SFMBT1: variants seen among roughly 807,000 people sequenced by gnomAD.
The protein encoded by SFMBT1 is scm-like with four MBT domains protein 1.
A neutral mutation model predicts 108.7 loss-of-function variants in SFMBT1; 32 were observed. The observed-to-expected ratio is 0.29, with a 90% CI of 0.22 to 0.40. The LOEUF is 0.40. Among genes scored for constraint, SFMBT1 ranks in the 10% least tolerant of loss-of-function variants. The pLI, the probability that SFMBT1 is intolerant of heterozygous loss-of-function variation, is 1.00. For synonymous variants in SFMBT1, 348 were observed against 369.5 expected (o/e 0.94, Z 0.67); for missense variants, 816 against 1,059.6 (o/e 0.77, Z 3.19).
intron 1 of SFMBT1, among the ~76,000 whole-genome samples, chr3:52,982,180 T>C (rs530110637): frequency 2.0e-5 from 3 of 152,234 alleles, no homozygotes; most frequent in Admixed American, 2.0e-4. Context: ...CACATTCCTT[T>C]ATGGAAAGGA....
chr3:53,010,408 C>T (rs890721740), intron 1 of SFMBT1, among the ~76,000 whole-genome samples: 1 of 152,186 alleles, frequency 6.6e-6, no homozygotes, highest in Admixed American at 6.5e-5. Flanking sequence ...GGCTGCCAGG[C>T]CAGGGGAAAG....
intron 2 of SFMBT1, among the ~76,000 whole-genome samples, chr3:52,961,046 G>C (rs1703944170): frequency 6.6e-6 from 1 of 152,166 alleles, no homozygotes; most frequent in South Asian, 2.1e-4. Context: ...GGCTGAGGTG[G>C]GAGGATCACT....
At chr3:52,941,348 C>T (rs1703174646) in intron 4 of SFMBT1, among the ~76,000 whole-genome samples, 1 of 152,110 alleles carries the variant, frequency 6.6e-6, no homozygotes, top group Non-Finnish European at 1.5e-5. Flanking sequence ...AATCCCAGCA[C>T]TTTGGGAGGC....
chr3:52,926,216 G>T, intron 9 of SFMBT1, 103 bp from the exon 10 acceptor site: 1 of 942,348 alleles, frequency 1.1e-6, no homozygotes, highest in Non-Finnish European at 1.6e-6. Context: ...AGTGATGCTA[G>T]TCTGACAACT....
At chr3:52,916,753 T>C (rs536642105) in intron 13 of SFMBT1, among the ~76,000 whole-genome samples, 13 of 152,048 alleles carry the variant, frequency 8.5e-5, no homozygotes, top group African/African-American at 2.7e-4. Context: ...AAACTATATA[T>C]AGGGCATAAT....
At chr3:53,019,017 T>C (rs1195805574) in intron 1 of SFMBT1, 3 of 152,188 alleles carry the variant, frequency 2.0e-5, no homozygotes, top group African/African-American at 7.2e-5. Context: ...ATAAATATTA[T>C]CGATACTCAT....
At chr3:52,998,486 G>GTGC (rs1342334861) in intron 1 of SFMBT1, among the ~76,000 whole-genome samples, 7 of 150,448 alleles carry the variant, frequency 4.7e-5, no homozygotes, top group Non-Finnish European at 7.5e-5. Context: ...TCAAGCTGAG[G>GTGC]ACCACCCACC....
rs552219837 is a variant in SFMBT1, at chr3:52,935,731, A to C, written c.365-830T>G. Among the ~76,000 whole-genome samples the C allele has an allele frequency of 7.9e-5, 12 of 152,264 alleles. No individual in the cohort carries two copies. The South Asian group carries it at 2.5e-3, about 32-fold the overall frequency. ...GTTCAAACTTCCCCAATTGTCTCAT[A>C]AACAGTTTTGTCAATTTGTTTGATT... is the stretch of plus-strand genomic sequence containing the variant. On this transcript the variant is annotated intron_variant, in intron 4 of 20. Coordinates refer to ENST00000394752, the MANE Select transcript of SFMBT1 (RefSeq NM_016329.4).
At chr3:52,975,515 C>T (rs1179867412) in intron 1 of SFMBT1, among the ~76,000 whole-genome samples, 7 of 152,078 alleles carry the variant, frequency 4.6e-5, no homozygotes, top group East Asian at 1.9e-4. Flanking sequence ...ATAGTAAGAC[C>T]TCATCTCTAC....
chr3:53,041,682 G>A (rs1700057440), intron 1 of SFMBT1, among the ~76,000 whole-genome samples: 1 of 58,860 alleles, frequency 1.7e-5, no homozygotes, highest in Non-Finnish European at 3.2e-5. Context: ...TGGGCAACAA[G>A]AGTAAAAGTC....
intron 1 of SFMBT1, among the ~76,000 whole-genome samples, chr3:52,969,834 G>C (rs887832352): frequency 2.0e-5 from 3 of 152,002 alleles, no homozygotes; most frequent in Non-Finnish European, 4.4e-5. Flanking sequence ...GGAAGCGGTG[G>C]CTCATGACTG....
intron 2 of SFMBT1, among the ~76,000 whole-genome samples, chr3:52,959,974 C>T (rs956073561): frequency 2.0e-5 from 3 of 151,730 alleles, no homozygotes; most frequent in African/African-American, 7.3e-5. Flanking sequence ...TCCACATGAC[C>T]ACAAGGAGGT....
chr3:52,998,277 A>G (rs1369265918), intron 1 of SFMBT1, among the ~76,000 whole-genome samples: 3 of 150,138 alleles, frequency 2.0e-5, no homozygotes, highest in African/African-American at 7.3e-5. Context: ...CTGTAGTCCC[A>G]GCTACTCCGG....
chr3:52,923,945 A>G (rs1702586284), intron 10 of SFMBT1, among the ~76,000 whole-genome samples: 1 of 152,206 alleles, frequency 6.6e-6, no homozygotes, highest in Non-Finnish European at 1.5e-5. Context: ...CACTGTGAAA[A>G]GTGGTTCTAT....
intron 1 of SFMBT1, among the ~76,000 whole-genome samples, chr3:52,971,135 C>T (rs2106862508): frequency 1.3e-5 from 2 of 151,416 alleles, no homozygotes; most frequent in Admixed American, 1.3e-4. Flanking sequence ...GAGTGAAATC[C>T]TGTCTCAAAA....
At chr3:52,935,860 T>C (rs963686155) in intron 4 of SFMBT1, among the ~76,000 whole-genome samples, 3 of 152,196 alleles carry the variant, frequency 2.0e-5, no homozygotes, top group Non-Finnish European at 2.9e-5. Flanking sequence ...CTACTCTCTC[T>C]TTTTTTACTC....
intron 20 of SFMBT1, 79 bp downstream of exon 20, chr3:52,906,034 G>C: frequency 6.7e-7 from 1 of 1,489,184 alleles, no homozygotes; most frequent in South Asian, 1.2e-5. Context: ...CCTAAAACTT[G>C]TAAATAAATT....
chr3:52,967,173 A>AGG (rs1704177141), intron 2 of SFMBT1, among the ~76,000 whole-genome samples: 1 of 152,172 alleles, frequency 6.6e-6, no homozygotes, highest in African/African-American at 2.4e-5. Context: ...TAAGCAAAAA[A>AGG]GGCAGACTTG....
At chr3:53,030,832 A>C (rs1356903852) in intron 1 of SFMBT1, among the ~76,000 whole-genome samples, 2 of 152,192 alleles carry the variant, frequency 1.3e-5, no homozygotes, top group African/African-American at 4.8e-5. Flanking sequence ...AATGCTAATC[A>C]TATTTTTTAT....
Sources: gnomAD v4.1 joint callset for allele counts (sites outside exome capture counted in the v4.1 genomes callset) on GRCh38, gnomAD v4.1.1 for gene constraint, MANE v1.5 for transcripts, NCBI Gene and HGNC (gene_info 2026-07-23, HGNC 2026-07-21) for gene names.